Variants in CPEB4 observed in about 807,000 individuals in gnomAD.
The protein encoded by CPEB4 is cytoplasmic polyadenylation element binding protein 4.
Under a neutral mutation model 72.5 loss-of-function variants are expected in CPEB4, and 12 were observed. The observed-to-expected ratio is 0.17, with a 90% CI of 0.11 to 0.27. The LOEUF (loss-of-function observed/expected upper bound fraction) is 0.27. CPEB4 is among the 10% of genes least tolerant of loss of function. The pLI is 1.00. For synonymous variants in CPEB4, 302 were observed against 326.3 expected (o/e 0.93, Z 0.80); for missense variants, 614 against 908.5 (o/e 0.68, Z 4.17).
intron 2 of CPEB4, among the ~76,000 whole-genome samples, chr5:173,921,636 C>T (rs1367153515): frequency 6.6e-5 from 10 of 152,220 alleles, no homozygotes; most frequent in South Asian, 2.1e-4. Context: ...GGGTGCACTC[C>T]GTGTTGTATA....
chr5:173,895,733 A>T (rs192901782), intron 1 of CPEB4, among the ~76,000 whole-genome samples: 1 of 152,328 alleles, frequency 6.6e-6, no homozygotes, highest in African/African-American at 2.4e-5. Flanking sequence ...CAGAACTGAC[A>T]TATTGGAAAA....
At chr5:173,921,365 CT>C (rs1329412848) in intron 2 of CPEB4, among the ~76,000 whole-genome samples, 5 of 152,096 alleles carry the variant, frequency 3.3e-5, no homozygotes, top group African/African-American at 1.2e-4. Context: ...GCTTTATACT[CT>C]TGCCATTAGA....
chr5:173,943,797 T>C (rs1757928525), intron 4 of CPEB4, among the ~76,000 whole-genome samples: 1 of 152,202 alleles, frequency 6.6e-6, no homozygotes, highest in African/African-American at 2.4e-5. Flanking sequence ...ACTGTTATTA[T>C]TTGTGTTTAG....
Position 173,939,291 on chromosome 5 carries a change from C to A in CPEB4, c.1259-3735C>A, listed in dbSNP as rs549843376. ...GCTTTAGGTACATGAACGTGAGCCA[C>A]ATTTAAAAATGCCACATGCTCAGTT... On this transcript the variant is annotated intron_variant, in intron 3 of 9. Transcript: ENST00000265085. Among the ~76,000 whole-genome samples, 33 of 152,256 alleles carry A rather than the reference C, an allele frequency of 2.2e-4. No homozygotes were observed. In the South Asian group the frequency reaches 6.8e-3, roughly 32 times the overall value.
intron 3 of CPEB4, among the ~76,000 whole-genome samples, chr5:173,938,131 T>A (rs556342745): frequency 6.6e-6 from 1 of 152,344 alleles, no homozygotes; most frequent in South Asian, 2.1e-4. Context: ...CTTTGATTTA[T>A]ATCTTTTCAA....
At chr5:173,942,177 G>A (rs1757870364) in intron 3 of CPEB4, among the ~76,000 whole-genome samples, 1 of 152,098 alleles carries the variant, frequency 6.6e-6, no homozygotes, top group South Asian at 2.1e-4. Flanking sequence ...GTGGCCTTCT[G>A]GCATTAAAAG....
At chr5:173,938,020 T>C (rs895598753) in intron 3 of CPEB4, among the ~76,000 whole-genome samples, 2 of 152,238 alleles carry the variant, frequency 1.3e-5, no homozygotes, top group Non-Finnish European at 2.9e-5. Context: ...TTTGCATCTT[T>C]GTTGAATCGT....
intron 1 of CPEB4, among the ~76,000 whole-genome samples, chr5:173,909,396 A>G (rs1756558095): frequency 6.6e-6 from 1 of 152,192 alleles, no homozygotes. Flanking sequence ...GGAGGGACAG[A>G]ACATGCTTCA....
chr5:173,898,877 G>T (rs1450382380), intron 1 of CPEB4, among the ~76,000 whole-genome samples: 1 of 152,208 alleles, frequency 6.6e-6, no homozygotes, highest in South Asian at 2.1e-4. Flanking sequence ...TGTTGGCCAG[G>T]CTGGTCTCGA....
intron 9 of CPEB4, among the ~76,000 whole-genome samples, chr5:173,953,592 T>A (rs969519): frequency 0.65 from 98,795 of 152,018 alleles, 32,969 homozygotes; most frequent in Non-Finnish European, 0.73. Context: ...AATCCTTTGT[T>A]CTGTGTTATA....
chr5:173,920,378 C>T (rs959602418), intron 2 of CPEB4, among the ~76,000 whole-genome samples: 8 of 152,188 alleles, frequency 5.3e-5, no homozygotes, highest in African/African-American at 1.9e-4. Flanking sequence ...AAGAGCAGCC[C>T]TGATTAATTG....
At chr5:173,919,303 C>T (rs1204287958) in intron 2 of CPEB4, among the ~76,000 whole-genome samples, 1 of 152,150 alleles carries the variant, frequency 6.6e-6, no homozygotes, top group East Asian at 1.9e-4. Flanking sequence ...AAATAGTAAT[C>T]TCCACTCAGA....
intron 7 of CPEB4, among the ~76,000 whole-genome samples, chr5:173,951,284 A>T (rs1561632968): frequency 6.6e-6 from 1 of 151,922 alleles, no homozygotes; most frequent in African/African-American, 2.4e-5. Context: ...TGATTGACTT[A>T]TCTAATGGAT....
intron 5 of CPEB4, among the ~76,000 whole-genome samples, chr5:173,946,625 G>T (rs1465391097): frequency 6.6e-6 from 1 of 152,162 alleles, no homozygotes; most frequent in Non-Finnish European, 1.5e-5. Context: ...AAGGTTAGGG[G>T]CATAGCTCTC....
At chr5:173,918,853 C>T (rs778290630) in intron 2 of CPEB4, among the ~76,000 whole-genome samples, 3 of 152,118 alleles carry the variant, frequency 2.0e-5, no homozygotes, top group Non-Finnish European at 2.9e-5. Flanking sequence ...ACTTAAGCAG[C>T]CCCTTTATCT....
At chr5:173,906,760 A>C (rs980877599) in intron 1 of CPEB4, among the ~76,000 whole-genome samples, 1 of 152,254 alleles carries the variant, frequency 6.6e-6, no homozygotes, top group Admixed American at 6.5e-5. Flanking sequence ...ACTAAAAATT[A>C]GTGTAAAAAG....
chr5:173,942,958 T>G, intron 3 of CPEB4, 68 bp from the exon 4 acceptor site: 1 of 1,491,748 alleles, frequency 6.7e-7, no homozygotes, highest in Non-Finnish European at 9.2e-7. Flanking sequence ...TCACAGTTGA[T>G]TCTTTTGACA....
At chr5:173,925,840 A>G in intron 2 of CPEB4, among the ~76,000 whole-genome samples, 1 of 152,244 alleles carries the variant, frequency 6.6e-6, no homozygotes, top group East Asian at 1.9e-4. Flanking sequence ...TAGTTAGGCA[A>G]TCAACAACTG....
chr5:173,908,280 A>C (rs1756516393), intron 1 of CPEB4, among the ~76,000 whole-genome samples: 1 of 152,158 alleles, frequency 6.6e-6, no homozygotes, highest in East Asian at 1.9e-4. Context: ...CTCTATAGAT[A>C]GATCTTGTTC....
Sources: allele counts gnomAD v4.1 joint callset (sites outside exome capture counted in the v4.1 genomes callset), GRCh38; gene constraint gnomAD v4.1.1; transcripts MANE v1.5; gene names NCBI Gene and HGNC (gene_info 2026-07-23, HGNC 2026-07-21).